KLF12: variants seen among roughly 807,000 people sequenced by gnomAD.
KLF12 encodes KLF transcription factor 12.
KLF12 carries 9 observed loss-of-function variants against 37.8 expected under a neutral mutation model. The ratio of observed to expected loss-of-function variants is 0.24; its 90% CI spans 0.14 to 0.42. KLF12 has a LOEUF of 0.42. Among genes scored for constraint, KLF12 ranks in the 10% least tolerant of loss-of-function variants. The pLI, the probability that KLF12 is intolerant of heterozygous loss-of-function variation, is 1.00. For missense variants in KLF12, 411 were observed against 516.0 expected (o/e 0.80, Z 1.97); for synonymous variants, 208 against 202.1 (o/e 1.03, Z -0.25).
At chr13:74,266,024 T>C in the KLF12 span, among the ~76,000 whole-genome samples, 6,295 of 152,280 alleles carry the variant, frequency 0.041, 145 homozygotes, top group Middle Eastern at 0.071. Context: ...TATCGTAAGC[T>C]TAATTAGGCG....
intron 1 of KLF12, among the ~76,000 whole-genome samples, chr13:74,025,597 A>G (rs1270524706): frequency 6.6e-6 from 1 of 152,146 alleles, no homozygotes; most frequent in African/African-American, 2.4e-5. Flanking sequence ...TGAGTAGTCT[A>G]AACAGATGCA....
At chr13:74,098,224 GAATT>G (rs1876093702) in intron 1 of KLF12, among the ~76,000 whole-genome samples, 1 of 152,120 alleles carries the variant, frequency 6.6e-6, no homozygotes, top group Admixed American at 6.5e-5. Context: ...TTAGAATCTT[GAATT>G]ACACATTGAG....
At chr13:73,954,684 G>T (rs1028029371) in intron 2 of KLF12, among the ~76,000 whole-genome samples, 1 of 152,168 alleles carries the variant, frequency 6.6e-6, no homozygotes, top group African/African-American at 2.4e-5. Context: ...TCACAATGCA[G>T]AGAAGAAAGA....
chr13:74,044,411 C>G (rs1893484783), intron 1 of KLF12, among the ~76,000 whole-genome samples: 1 of 151,814 alleles, frequency 6.6e-6, no homozygotes, highest in African/African-American at 2.4e-5. Flanking sequence ...AGGACTGAGG[C>G]AGGAGATATA....
chr13:74,174,301 C>T, the KLF12 span, among the ~76,000 whole-genome samples: 3 of 151,270 alleles, frequency 2.0e-5, no homozygotes, highest in East Asian at 3.9e-4. Context: ...TAAGATGGTA[C>T]AGTCTTAGTC....
At chr13:73,711,750 C>CAAGGAGTCATTTTGACTTTTAAGTCTT in intron 7 of KLF12, among the ~76,000 whole-genome samples, 1 of 152,142 alleles carries the variant, frequency 6.6e-6, no homozygotes, top group East Asian at 1.9e-4. Context: ...GCCCACGGAT[C>CAAGGAGTCATTTTGACTTTTAAGTCTT]AAGGAGTCAT....
chr13:73,996,178 C>T (rs1892114450), intron 1 of KLF12, among the ~76,000 whole-genome samples: 1 of 152,186 alleles, frequency 6.6e-6, no homozygotes. Context: ...ATAACAATGT[C>T]TCAAAACATG....
chr13:74,167,934 T>C, the KLF12 span, among the ~76,000 whole-genome samples: 1 of 152,170 alleles, frequency 6.6e-6, no homozygotes, highest in Admixed American at 6.5e-5. Flanking sequence ...AAATATGAAA[T>C]TAAAGTGGAA....
intron 3 of KLF12, among the ~76,000 whole-genome samples, chr13:73,880,783 T>C (rs1886942640): frequency 6.6e-6 from 1 of 152,228 alleles, no homozygotes; most frequent in African/African-American, 2.4e-5. Context: ...AATAGATTTG[T>C]TTTTTAAATA....
At chr13:73,963,456 CCTTAA>C (rs1258199927) in intron 2 of KLF12, among the ~76,000 whole-genome samples, 3 of 152,076 alleles carry the variant, frequency 2.0e-5, no homozygotes, top group African/African-American at 7.2e-5. Context: ...CCTCAACTAA[CCTTAA>C]CTTTTCTATT....
chr13:73,899,271 A>C (rs1887929855), intron 3 of KLF12, among the ~76,000 whole-genome samples: 1 of 152,204 alleles, frequency 6.6e-6, no homozygotes, highest in Non-Finnish European at 1.5e-5. Context: ...AGCAAGAACG[A>C]GACCAAGCCG....
intron 3 of KLF12, among the ~76,000 whole-genome samples, chr13:73,858,571 T>A (rs1331614043): frequency 3.9e-5 from 6 of 152,182 alleles, no homozygotes; most frequent in Admixed American, 1.3e-4. Context: ...CAAGGCCTTT[T>A]CTGTTTTTGA....
the KLF12 span, among the ~76,000 whole-genome samples, chr13:74,196,989 T>A: frequency 6.6e-6 from 1 of 152,094 alleles, no homozygotes; most frequent in Non-Finnish European, 1.5e-5. Flanking sequence ...ATAATTAATT[T>A]GGGGAGCATT....
At chr13:74,272,950 G>A in the KLF12 span, among the ~76,000 whole-genome samples, 1 of 152,128 alleles carries the variant, frequency 6.6e-6, no homozygotes, top group East Asian at 1.9e-4. Flanking sequence ...GAATAGACCA[G>A]CTGTAAGGCA....
At chr13:73,996,253 A>G (rs891741253) in intron 1 of KLF12, among the ~76,000 whole-genome samples, 3 of 152,282 alleles carry the variant, frequency 2.0e-5, no homozygotes, top group Non-Finnish European at 4.4e-5. Context: ...ACATTTCAAT[A>G]TTATAGTGGC....
intron 6 of KLF12, among the ~76,000 whole-genome samples, chr13:73,716,303 T>C (rs986503118): frequency 5.3e-5 from 8 of 152,204 alleles, no homozygotes; most frequent in African/African-American, 1.9e-4. Context: ...TTAATCTCTT[T>C]TGATTGAGAC....
At chr13:74,232,443 A>T in the KLF12 span, among the ~76,000 whole-genome samples, 3 of 152,112 alleles carry the variant, frequency 2.0e-5, no homozygotes, top group African/African-American at 7.2e-5. Flanking sequence ...TCATTCATAT[A>T]TGTTTGTATT....
chr13:74,251,648 G>A, the KLF12 span, among the ~76,000 whole-genome samples: 1 of 152,070 alleles, frequency 6.6e-6, no homozygotes, highest in Non-Finnish European at 1.5e-5. Context: ...CCCACCAGGT[G>A]AGAAAGATTT....
At chr13:73,786,619 A>G (rs1005824406) in intron 5 of KLF12, among the ~76,000 whole-genome samples, 1 of 152,106 alleles carries the variant, frequency 6.6e-6, no homozygotes, top group South Asian at 2.1e-4. Context: ...GTGGTGGCTC[A>G]TGCCTGTAAT....
Sources: allele counts gnomAD v4.1 joint callset (sites outside exome capture counted in the v4.1 genomes callset), GRCh38; gene constraint gnomAD v4.1.1; transcripts MANE v1.5; gene names NCBI Gene and HGNC (gene_info 2026-07-23, HGNC 2026-07-21).